Variants in NRG2 observed in about 807,000 individuals in gnomAD.
The protein encoded by NRG2 is pro-neuregulin-2, membrane-bound isoform.
In NRG2, 27 loss-of-function variants were observed where a neutral mutation model predicts 73.9. That is an observed-to-expected ratio of 0.37 (90% confidence interval 0.27 to 0.50). NRG2 has a LOEUF of 0.50. Among genes scored for constraint, NRG2 ranks in the 20% least tolerant of loss-of-function variants. The pLI is 0.96. For synonymous variants in NRG2, 532 were observed against 541.0 expected (o/e 0.98, Z 0.23); for missense variants, 1,126 against 1,210.1 (o/e 0.93, Z 1.03).
At chr5:139,913,711 T>C (rs1751030989) in intron 1 of NRG2, among the ~76,000 whole-genome samples, 1 of 152,226 alleles carries the variant, frequency 6.6e-6, no homozygotes. Context: ...ACAAAGACCC[T>C]GTCCTCAAGG....
At chr5:140,035,844 A>T (rs1761461990) in intron 1 of NRG2, among the ~76,000 whole-genome samples, 1 of 152,184 alleles carries the variant, frequency 6.6e-6, no homozygotes, top group African/African-American at 2.4e-5. Context: ...GAAACTGTGA[A>T]TGATAAACAG....
At position 140,023,817 on chromosome 5, in the gene NRG2, T is replaced by G. The variant is rs138201635; in HGVS notation, c.700+18553A>C. On this transcript the variant is annotated intron_variant, in intron 1 of 9. Transcript: ENST00000361474. The stretch of plus-strand genomic sequence containing the variant: ...TGCTATAGCCAAAAAGCCTGTTCTT[T>G]CTGTTGACAAACGCCAACAATCTCT... Among the ~76,000 whole-genome samples, 291 of 152,326 alleles carry G rather than the reference T, an allele frequency of 1.9e-3. 1 individual carries two copies. The highest frequency in any genetic ancestry group is 6.7e-3 in the African/African-American group (277 of 41,570).
intron 1 of NRG2, among the ~76,000 whole-genome samples, chr5:139,967,893 A>G (rs909123803): frequency 6.6e-6 from 1 of 152,096 alleles, no homozygotes; most frequent in African/African-American, 2.4e-5. Flanking sequence ...TGGGAGGCAG[A>G]GGTTGCAGTG....
chr5:139,925,336 G>C (rs1227663994), intron 1 of NRG2, among the ~76,000 whole-genome samples: 1 of 152,180 alleles, frequency 6.6e-6, no homozygotes, highest in Non-Finnish European at 1.5e-5. Context: ...AGCTTCGTCA[G>C]TGTTTACTGG....
chr5:139,990,077 T>A (rs975080886), intron 1 of NRG2, among the ~76,000 whole-genome samples: 1 of 151,520 alleles, frequency 6.6e-6, no homozygotes, highest in Non-Finnish European at 1.5e-5. Flanking sequence ...CGTGAGCCAC[T>A]GTGCCTGGCC....
chr5:139,865,296 G>T lies in NRG2; in HGVS notation c.1189+253C>A. The T allele has an allele frequency of 1.2e-6, 1 of 852,460 alleles. No individual in the cohort carries two copies. The allele number at this position is 852,460 out of a possible 1,614,324, so 52.8% of individuals were successfully genotyped here. Reference sequence around the variant, plus strand: ...CCTTGCCACCGTTACCATTTGTATTGGCCTTGCCACTCTGCCCCTTACCTG... The same window carrying T: ...CCTTGCCACCGTTACCATTTGTATTTGCCTTGCCACTCTGCCCCTTACCTG... On this transcript the variant is annotated intron_variant, in intron 5 of 9. Transcript: ENST00000361474. This position sits in a 1 kb window ranked among gnomAD's most constrained non-coding sequence, Gnocchi z 5.2.
chr5:140,012,057 C>G (rs1759408174), intron 1 of NRG2, among the ~76,000 whole-genome samples: 2 of 152,326 alleles, frequency 1.3e-5, no homozygotes, highest in South Asian at 4.1e-4. Flanking sequence ...CCCATGGCAC[C>G]TGGGGCAATG....
At chr5:140,000,095 C>T (rs1208107551) in intron 1 of NRG2, among the ~76,000 whole-genome samples, 1 of 152,128 alleles carries the variant, frequency 6.6e-6, no homozygotes, top group African/African-American at 2.4e-5. Context: ...CTATGATATC[C>T]ACAGAGCCCT....
chr5:140,028,729 A>G (rs1760896741), intron 1 of NRG2, among the ~76,000 whole-genome samples: 1 of 152,158 alleles, frequency 6.6e-6, no homozygotes, highest in African/African-American at 2.4e-5. Context: ...AAATTCTTTG[A>G]CCGTCCTTCC....
At chr5:139,854,747 A>G (rs1286799824) in intron 6 of NRG2, among the ~76,000 whole-genome samples, 1 of 152,208 alleles carries the variant, frequency 6.6e-6, no homozygotes, top group Non-Finnish European at 1.5e-5. Context: ...CCAGATAAGA[A>G]CAGTTGTTAC....
rs962943157 is a variant in NRG2 at position 139,915,403 on chromosome 5, G to C, written c.701-27892C>G. 4.6e-5 allele frequency among the ~76,000 whole-genome samples: 7 copies of C among 152,302 alleles called. No individual in the cohort carries two copies. Among genetic ancestry groups the C allele is most frequent in the Admixed American group, 3.9e-4 (6 of 15,310 alleles). The stretch of plus-strand genomic sequence containing the variant: ...TTCAATTCAGCAGTTTCCAGCCTCT[G>C]TAAGGAAGTGGCGCCAGCTAAGCTG... On this transcript the variant is annotated intron_variant, in intron 1 of 9. Transcript: ENST00000361474. The surrounding 1 kb of genome is among the most constrained non-coding windows in gnomAD (Gnocchi z 4.0).
intron 1 of NRG2, among the ~76,000 whole-genome samples, chr5:139,909,059 G>A (rs1037186259): frequency 6.6e-6 from 1 of 152,220 alleles, no homozygotes; most frequent in Non-Finnish European, 1.5e-5. Flanking sequence ...AGCAGGGCTT[G>A]GGGATGGGCC....
chr5:139,899,159 G>A (rs1581897399), intron 1 of NRG2, among the ~76,000 whole-genome samples: 2 of 152,228 alleles, frequency 1.3e-5, no homozygotes, highest in Non-Finnish European at 1.5e-5. Context: ...GAGGAGCTGG[G>A]TTAACACCTA....
chr5:139,894,851 C>T lies in NRG2; in HGVS notation c.701-7340G>A, dbSNP rs990573132. 2.0e-5 allele frequency among the ~76,000 whole-genome samples: 3 copies of T among 152,182 alleles called. No homozygotes were observed. Among genetic ancestry groups the T allele is most frequent in the African/African-American group, 7.2e-5 (3 of 41,452 alleles). The stretch of plus-strand genomic sequence containing the variant: ...TGATCCTCAAAGAGGACCACCTTCC[C>T]TGCACCAGTGAAAACCAGCCTAGAC... On this transcript the variant is annotated intron_variant, in intron 1 of 9. Coordinates refer to ENST00000361474, the MANE Select transcript of NRG2 (RefSeq NM_004883.3). The surrounding 1 kb of genome is among the most constrained non-coding windows in gnomAD (Gnocchi z 5.0).
chr5:139,860,637 C>T (rs577874759), intron 5 of NRG2, among the ~76,000 whole-genome samples: 1 of 152,326 alleles, frequency 6.6e-6, no homozygotes, highest in African/African-American at 2.4e-5. Flanking sequence ...GAGCAAACTG[C>T]AACTCACAGG....
Position 139,853,438 on chromosome 5 carries a change from G to C in NRG2, c.1293-411C>G, listed in dbSNP as rs896796273. On this transcript the variant is annotated intron_variant, in intron 6 of 9. Transcript: ENST00000361474. The surrounding 1 kb of genome is among the most constrained non-coding windows in gnomAD (Gnocchi z 4.1). ...CTCATTCATTAATTTGGTATGTATT[G>C]AGTTATCACTATGTGCCAGACACTG... is the stretch of plus-strand genomic sequence containing the variant. Among the ~76,000 whole-genome samples, 1 of 152,162 alleles carries C rather than the reference G, an allele frequency of 6.6e-6. No homozygotes were observed. Among genetic ancestry groups the C allele is most frequent in the Admixed American group, 6.5e-5 (1 of 15,276 alleles).
chr5:140,012,498 C>T (rs573351543), intron 1 of NRG2, among the ~76,000 whole-genome samples: 77 of 152,238 alleles, frequency 5.1e-4, no homozygotes, highest in African/African-American at 7.9e-4. Flanking sequence ...CTTCTCTAGT[C>T]GTCTTGTGCT....
At chr5:139,999,353 G>C (rs1201324901) in intron 1 of NRG2, among the ~76,000 whole-genome samples, 1 of 152,164 alleles carries the variant, frequency 6.6e-6, no homozygotes, top group Non-Finnish European at 1.5e-5. Context: ...TATCAGTAGA[G>C]AATCTGGTGT....
chr5:139,995,742 G>A (rs528701686), intron 1 of NRG2, among the ~76,000 whole-genome samples: 3 of 152,328 alleles, frequency 2.0e-5, no homozygotes, highest in African/African-American at 7.2e-5. Flanking sequence ...GGCTGGGCAT[G>A]GTGGCTTACA....
Sources: gnomAD v4.1 joint callset for allele counts (sites outside exome capture counted in the v4.1 genomes callset) on GRCh38, gnomAD v4.1.1 for gene constraint, Gnocchi (gnomAD v3.1) non-coding constraint, MANE v1.5 for transcripts, NCBI Gene and HGNC (gene_info 2026-07-23, HGNC 2026-07-21) for gene names.